KIF16B: variants seen among roughly 807,000 people sequenced by gnomAD.
KIF16B encodes kinesin family member 16B.
In KIF16B, 98 loss-of-function variants were observed where a neutral mutation model predicts 156.3. That is an observed-to-expected ratio of 0.63 (90% CI 0.53 to 0.74). The LOEUF is 0.74. KIF16B is among the 30% of genes least tolerant of loss of function. The probability of loss-of-function intolerance (pLI) is 0.00; values close to 1 mark genes in which losing one functional copy is unlikely to be tolerated. For synonymous variants in KIF16B, 564 were observed against 583.7 expected, an observed-to-expected ratio of 0.97 and a Z score of 0.49; for missense variants, 1,421 against 1,606.5, an observed-to-expected ratio of 0.88 and a Z score of 1.97.
chr20:16,423,921 C>G (rs1272481124), intron 15 of KIF16B, among the ~76,000 whole-genome samples: 1 of 152,030 alleles, frequency 6.6e-6, no homozygotes, highest in Admixed American at 6.6e-5. Flanking sequence ...CTGTGAGTTC[C>G]CAAGCAGGGA....
At chr20:16,525,179 A>AAAAGAAAG (rs769037285) in intron 3 of KIF16B, among the ~76,000 whole-genome samples, 1 of 152,202 alleles carries the variant, frequency 6.6e-6, no homozygotes, top group Non-Finnish European at 1.5e-5. Context: ...CATAATTTAA[A>AAAAGAAAG]AAAGAAAGAA....
At chr20:16,410,299 ATGTGTGTGTGTGTGTG>A (rs35361828) in intron 15 of KIF16B, among the ~76,000 whole-genome samples, 1 of 141,444 alleles carries the variant, frequency 7.1e-6, no homozygotes, top group Non-Finnish European at 1.5e-5. Flanking sequence ...CTACATATAT[ATGTGTGTGTGTGTGTG>A]TGTGTATATG....
intron 12 of KIF16B, among the ~76,000 whole-genome samples, chr20:16,456,489 C>T (rs2067216578): frequency 6.6e-6 from 1 of 152,050 alleles, no homozygotes; most frequent in African/African-American, 2.4e-5. Flanking sequence ...CCAAAACATA[C>T]ATACCTTGTG....
At chr20:16,309,859 A>G (rs973341681) in intron 25 of KIF16B, among the ~76,000 whole-genome samples, 6 of 152,220 alleles carry the variant, frequency 3.9e-5, no homozygotes, top group Non-Finnish European at 1.5e-5. Context: ...ATAGGAATTT[A>G]AACATACACA....
chr20:16,482,670 G>T (rs1383808537), intron 12 of KIF16B, among the ~76,000 whole-genome samples: 1 of 152,098 alleles, frequency 6.6e-6, no homozygotes, highest in East Asian at 1.9e-4. Context: ...ATATTCAGCT[G>T]CTTTTATGTA....
At chr20:16,273,521 T>C in intron 25 of KIF16B, 110 bp from the exon 26 acceptor site, 1 of 804,934 alleles carries the variant, frequency 1.2e-6, no homozygotes, top group Non-Finnish European at 2.0e-6. Context: ...AGAAACCTCA[T>C]CTCTACAAAA....
intron 1 of KIF16B, among the ~76,000 whole-genome samples, chr20:16,549,606 G>C (rs534870418): frequency 1.0e-3 from 155 of 152,108 alleles, no homozygotes; most frequent in South Asian, 9.4e-3. Context: ...ATACTACAAG[G>C]CTACAGTAAC....
chr20:16,455,873 A>G lies in KIF16B; in HGVS notation c.1303-25891T>C, dbSNP rs554384821. Reference sequence around the variant, plus strand: ...ACCTGACTCAAGGTCTATTAAGTTTAAAACAAACCCTTTCCAGCCCTTTCC... The same window carrying G: ...ACCTGACTCAAGGTCTATTAAGTTTGAAACAAACCCTTTCCAGCCCTTTCC... On this transcript the variant is annotated intron_variant, in intron 12 of 25. Coordinates refer to ENST00000354981, the MANE Select transcript of KIF16B (RefSeq NM_024704.5). Among the ~76,000 whole-genome samples, 10 of 152,262 alleles carry G rather than the reference A, an allele frequency of 6.6e-5. No homozygotes were observed. In the East Asian group the frequency reaches 1.9e-3, roughly 29 times the overall value.
intron 12 of KIF16B, among the ~76,000 whole-genome samples, chr20:16,440,902 T>C (rs1383735604): frequency 6.6e-6 from 1 of 151,834 alleles, no homozygotes; most frequent in Non-Finnish European, 1.5e-5. Flanking sequence ...TCCTCTCCGC[T>C]GGCTGAGCAA....
intron 15 of KIF16B, among the ~76,000 whole-genome samples, chr20:16,421,586 A>C (rs1445027064): frequency 2.0e-5 from 3 of 152,134 alleles, no homozygotes; most frequent in Non-Finnish European, 4.4e-5. Flanking sequence ...CTAATCCTTA[A>C]TTTCTGAAGG....
intron 23 of KIF16B, among the ~76,000 whole-genome samples, chr20:16,352,887 G>C (rs1256337339): frequency 2.0e-5 from 3 of 152,324 alleles, no homozygotes; most frequent in Admixed American, 6.5e-5. Flanking sequence ...TAAGCTGGCA[G>C]TGACACCAGC....
chr20:16,432,876 G>A (rs1164629067), intron 12 of KIF16B, among the ~76,000 whole-genome samples: 1 of 152,180 alleles, frequency 6.6e-6, no homozygotes, highest in Non-Finnish European at 1.5e-5. Flanking sequence ...AAAAGGAAAT[G>A]AAGCGTGTCA....
chr20:16,494,770 G>A (rs1301119233), intron 11 of KIF16B, among the ~76,000 whole-genome samples: 1 of 152,020 alleles, frequency 6.6e-6, no homozygotes, highest in African/African-American at 2.4e-5. Context: ...CTTGGATGCT[G>A]TAGTTTTACT....
At position 16,379,211 on chromosome 20, in the gene KIF16B, GA is replaced by G. The variant is rs2065027575; in HGVS notation, c.2790del (p.Asp932ThrfsTer7). 1 of 1,614,046 alleles carries G rather than the reference GA, an allele frequency of 6.2e-7. No homozygotes were observed. The highest frequency in any genetic ancestry group is 1.3e-5 in the African/African-American group (1 of 74,920). Reference protein sequence around the residue: ...LLEEKQRAFEILDRGPLSLDN... With the variant: ...LLEEKQRAFEXLDRGPLSLDN... ...TCTAAGCTGAGAGGGCCTCTGTCAA[GA>G]ATTTCAAATGCTCTCTGCTTTTCTT... On this transcript the variant is annotated frameshift_variant, in exon 19 of 26. Transcript: ENST00000354981. LOFTEE classifies it high-confidence loss of function.
chr20:16,560,624 T>C (rs1204239798), intron 1 of KIF16B, among the ~76,000 whole-genome samples: 1 of 152,152 alleles, frequency 6.6e-6, no homozygotes, highest in East Asian at 1.9e-4. Context: ...CTAGGCAACA[T>C]GGTGAAACCC....
chr20:16,310,822 C>T (rs2063609071), intron 25 of KIF16B, among the ~76,000 whole-genome samples: 1 of 152,194 alleles, frequency 6.6e-6, no homozygotes, highest in African/African-American at 2.4e-5. Flanking sequence ...AGATGTGTAA[C>T]TCTGTAGTCT....
intron 25 of KIF16B, among the ~76,000 whole-genome samples, chr20:16,303,334 C>A (rs1227619845): frequency 6.6e-6 from 1 of 152,190 alleles, no homozygotes; most frequent in Non-Finnish European, 1.5e-5. Context: ...TATTGTATAT[C>A]AACTGAGGAC....
chr20:16,562,879 T>C (rs13041269), intron 1 of KIF16B, among the ~76,000 whole-genome samples: 4 of 152,166 alleles, frequency 2.6e-5, no homozygotes, highest in African/African-American at 9.7e-5. Flanking sequence ...ACGGATCTAA[T>C]GATGTTCACC....
chr20:16,367,717 G>A lies in KIF16B; in HGVS notation c.3498+2869C>T, dbSNP rs200790988. On this transcript the variant is annotated intron_variant, in intron 22 of 25. Transcript: ENST00000354981. ...TGGCAAAACTAAATCAGGGATTTCT[G>A]TTTTCCAATCAAGAGAAAGCTGAAC... 3.6e-4 allele frequency: 582 copies of A among 1,612,456 alleles called. 5 individuals are homozygous for A. In the Middle Eastern group the frequency reaches 0.012, roughly 34 times the overall value.
Sources: allele counts gnomAD v4.1 joint callset (sites outside exome capture counted in the v4.1 genomes callset), GRCh38; gene constraint gnomAD v4.1.1; transcripts MANE v1.5; gene names NCBI Gene and HGNC (gene_info 2026-07-23, HGNC 2026-07-21).